The following SORBS2 variants were observed in gnomAD, a reference collection of about 807,000 sequenced individuals.
SORBS2 encodes the protein sorbin and SH3 domain containing 2.
In SORBS2, 46 loss-of-function variants were observed where a neutral mutation model predicts 97.7. That is an observed-to-expected ratio of 0.47 (90% confidence interval 0.37 to 0.60). SORBS2 has a LOEUF of 0.60. Among genes scored for constraint, SORBS2 ranks in the 20% least tolerant of loss-of-function variants. SORBS2 has a pLI of 0.00. For missense variants in SORBS2, 1,316 were observed against 1,282.3 expected (o/e 1.03, Z -0.40); for synonymous variants, 476 against 473.4 (o/e 1.01, Z -0.07).
chr4:185,867,848 A>G (rs1486927225), intron 1 of SORBS2, among the ~76,000 whole-genome samples: 4 of 152,018 alleles, frequency 2.6e-5, no homozygotes, highest in African/African-American at 9.7e-5. Context: ...TGGGGCACCT[A>G]CACCTCGAGG....
At chr4:185,788,956 G>A (rs1474248156) in intron 1 of SORBS2, among the ~76,000 whole-genome samples, 2 of 152,118 alleles carry the variant, frequency 1.3e-5, no homozygotes, top group South Asian at 4.1e-4. Context: ...TCTATTTTCG[G>A]TAACCACAAG....
intron 1 of SORBS2, among the ~76,000 whole-genome samples, chr4:185,895,350 C>T (rs1020675714): frequency 6.6e-6 from 1 of 152,216 alleles, no homozygotes; most frequent in Non-Finnish European, 1.5e-5. Flanking sequence ...TCCATCCCAA[C>T]ACAGAATCCA....
At chr4:185,898,895 A>T (rs371922714) in intron 1 of SORBS2, among the ~76,000 whole-genome samples, 1 of 152,192 alleles carries the variant, frequency 6.6e-6, no homozygotes, top group South Asian at 2.1e-4. Flanking sequence ...ATTGTGGATG[A>T]CGTGTTTAAT....
chr4:185,646,442 CACAT>C (rs768945697), intron 4 of SORBS2: 4,410 of 316,972 alleles, frequency 0.014, 3 homozygotes, highest in Middle Eastern at 0.025. Context: ...TAAATACACA[CACAT>C]ACACACACAC....
chr4:185,808,025 T>C (rs1358939136), intron 1 of SORBS2, among the ~76,000 whole-genome samples: 1 of 152,234 alleles, frequency 6.6e-6, no homozygotes, highest in African/African-American at 2.4e-5. Context: ...ATCTAATTAC[T>C]ATATGCAATT....
intron 4 of SORBS2, among the ~76,000 whole-genome samples, chr4:185,663,008 G>C (rs1255425579): frequency 1.3e-5 from 2 of 152,156 alleles, no homozygotes; most frequent in Admixed American, 1.3e-4. Flanking sequence ...ATGCAGCCTA[G>C]TGCTGATGAC....
intron 1 of SORBS2, among the ~76,000 whole-genome samples, chr4:185,794,885 C>G (rs1207017271): frequency 6.6e-6 from 1 of 152,032 alleles, no homozygotes; most frequent in Non-Finnish European, 1.5e-5. Flanking sequence ...GACCTCTGGC[C>G]TGGGGAGAAG....
Position 185,641,545 on chromosome 4 carries a change from G to GAT in SORBS2, c.396+5121_396+5122dup, listed in dbSNP as rs113050545. Among the ~76,000 whole-genome samples, 773 of 152,212 alleles carry GAT rather than the reference G, an allele frequency of 5.1e-3. 9 individuals are homozygous for GAT. The highest frequency in any genetic ancestry group is 0.018 in the African/African-American group (736 of 41,530). ...CATACAGATGGTCAGTCAACAGATG[G>GAT]ATATACACACAAATCACTAATCTCA... On this transcript the variant is annotated intron_variant, in intron 4 of 14. Coordinates refer to ENST00000418609, the Ensembl canonical transcript of SORBS2.
rs894559537 is a variant in SORBS2 at position 185,684,140 on chromosome 4, G to A, written c.-197-5318C>T. On this transcript the variant is annotated intron_variant, in intron 2 of 20. Transcript: ENST00000284776. The surrounding 1 kb of genome is among the most constrained non-coding windows in gnomAD (Gnocchi z 4.2). ...GCTGCACCCCCTCCCAGTGCAGACT[G>A]TGCCTTAGGTACTGTGCCTAACTTC... Among the ~76,000 whole-genome samples, 2 of 152,152 alleles carry A rather than the reference G, an allele frequency of 1.3e-5. No individual in the cohort carries two copies. Among genetic ancestry groups the A allele is most frequent in the Non-Finnish European group, 2.9e-5 (2 of 68,030 alleles).
intron 1 of SORBS2, among the ~76,000 whole-genome samples, chr4:185,834,686 T>A (rs552503614): frequency 6.6e-6 from 1 of 152,324 alleles, no homozygotes; most frequent in South Asian, 2.1e-4. Flanking sequence ...TTGGGCCTTA[T>A]ACATTTTAAA....
intron 2 of SORBS2, among the ~76,000 whole-genome samples, chr4:185,705,374 C>A (rs190925508): frequency 6.7e-4 from 102 of 151,932 alleles, no homozygotes; most frequent in African/African-American, 2.1e-3. Context: ...GGTGAAACCC[C>A]GTCTCTACTA....
At chr4:185,932,620 G>C (rs905733322) in intron 1 of SORBS2, among the ~76,000 whole-genome samples, 1 of 152,152 alleles carries the variant, frequency 6.6e-6, no homozygotes, top group African/African-American at 2.4e-5. Context: ...AGAGAACAGA[G>C]AGTTGCCGGA....
intron 1 of SORBS2, among the ~76,000 whole-genome samples, chr4:185,883,036 A>G (rs2099237636): frequency 6.6e-6 from 1 of 152,254 alleles, no homozygotes; most frequent in Non-Finnish European, 1.5e-5. Context: ...CAATCCATAA[A>G]AGAAAAAAAT....
At chr4:185,691,049 G>A (rs992319887) in intron 2 of SORBS2, among the ~76,000 whole-genome samples, 5 of 151,954 alleles carry the variant, frequency 3.3e-5, no homozygotes, top group Admixed American at 1.3e-4. Flanking sequence ...ACAGGCACAT[G>A]CCACCACACC....
chr4:185,666,219 A>C (rs1180906864), intron 4 of SORBS2: 7 of 1,219,612 alleles, frequency 5.7e-6, no homozygotes, highest in Non-Finnish European at 7.6e-6. Context: ...GAGTATGAGG[A>C]AAAAATAATA....
exon 14 of SORBS2, chr4:185,589,745 C>G: frequency 6.2e-7 from 1 of 1,612,522 alleles, no homozygotes; most frequent in Non-Finnish European, 8.5e-7. Context: ...AGCTCCAGCT[C>G]ATCTTCATTC....
intron 2 of SORBS2, among the ~76,000 whole-genome samples, chr4:185,768,570 G>A (rs1029403035): frequency 1.3e-5 from 2 of 151,822 alleles, no homozygotes; most frequent in Admixed American, 6.6e-5. Context: ...GTGGTGACAC[G>A]TGCCTGTAAT....
intron 1 of SORBS2, among the ~76,000 whole-genome samples, chr4:185,935,345 C>T (rs1011987490): frequency 6.6e-6 from 1 of 152,182 alleles, no homozygotes; most frequent in Non-Finnish European, 1.5e-5. Context: ...TATCACTTAT[C>T]TGTAACAAGA....
chr4:185,943,437 T>C (rs954002530), intron 1 of SORBS2, among the ~76,000 whole-genome samples: 1 of 152,348 alleles, frequency 6.6e-6, no homozygotes, highest in East Asian at 1.9e-4. Context: ...ATCTACGACA[T>C]ATTCTTGCCA....
Sources: gnomAD v4.1 joint callset for allele counts (sites outside exome capture counted in the v4.1 genomes callset) on GRCh38, gnomAD v4.1.1 for gene constraint, Gnocchi (gnomAD v3.1) non-coding constraint, MANE v1.5 for transcripts, NCBI Gene and HGNC (gene_info 2026-07-23, HGNC 2026-07-21) for gene names.